Variants in GSTCD observed in about 807,000 individuals in gnomAD.
The protein encoded by GSTCD is glutathione S-transferase C-terminal domain-containing protein.
A neutral mutation model predicts 68.3 loss-of-function variants in GSTCD; 44 were observed. The observed-to-expected ratio is 0.64, with a 90% CI of 0.51 to 0.83. The LOEUF (loss-of-function observed/expected upper bound fraction) is 0.83, where lower values mean the gene tolerates loss of function less well. GSTCD is among the 40% of genes least tolerant of loss of function. The pLI is 0.00. For synonymous variants in GSTCD, 273 were observed against 255.2 expected (o/e 1.07, Z -0.67); for missense variants, 739 against 735.9 (o/e 1.00, Z -0.05).
At chr4:105,724,928 T>C (rs908709939) in intron 3 of GSTCD, among the ~76,000 whole-genome samples, 5 of 151,964 alleles carry the variant, frequency 3.3e-5, no homozygotes, top group Non-Finnish European at 7.4e-5. Context: ...TAAGAACTTA[T>C]CAAGTATATA....
chr4:105,714,328 T>C (rs890152474), intron 1 of GSTCD, among the ~76,000 whole-genome samples: 7 of 152,114 alleles, frequency 4.6e-5, no homozygotes, highest in Non-Finnish European at 8.8e-5. Context: ...AGGAATGTAA[T>C]ATGGAGTAAC....
chr4:105,750,491 A>ACACTGAAT (rs1262119560), intron 5 of GSTCD, among the ~76,000 whole-genome samples: 2 of 151,894 alleles, frequency 1.3e-5, no homozygotes, highest in African/African-American at 4.8e-5. Context: ...AAAAGTAACA[A>ACACTGAAT]CACTGAATGC....
At chr4:105,839,111 C>T (rs1374296813) in intron 10 of GSTCD, among the ~76,000 whole-genome samples, 3 of 152,136 alleles carry the variant, frequency 2.0e-5, no homozygotes, top group African/African-American at 4.8e-5. Flanking sequence ...CTACCAACCC[C>T]GCACCCTGTA....
intron 5 of GSTCD, among the ~76,000 whole-genome samples, chr4:105,749,640 G>A (rs1269682380): frequency 6.7e-6 from 1 of 149,072 alleles, no homozygotes; most frequent in Admixed American, 6.7e-5. Flanking sequence ...TACCTAAATT[G>A]CACACTTATA....
chr4:105,733,883 TG>T (rs1300263385), intron 5 of GSTCD, among the ~76,000 whole-genome samples: 3 of 152,156 alleles, frequency 2.0e-5, no homozygotes, highest in Non-Finnish European at 2.9e-5. Context: ...GCAGGCCTGG[TG>T]GTGACAAAAT....
rs183485903 is a variant in GSTCD, at chr4:105,833,420, G to C, written c.1531-1041G>C. Among the ~76,000 whole-genome samples, 765 of 151,666 alleles carry C rather than the reference G, an allele frequency of 5.0e-3. 5 individuals are homozygous for C. Among genetic ancestry groups the C allele is most frequent in the African/African-American group, 0.018 (735 of 41,268 alleles). On this transcript the variant is annotated intron_variant, in intron 8 of 11. Coordinates refer to ENST00000515279, the MANE Select transcript of GSTCD (RefSeq NM_001370181.1). Reference sequence around the variant, plus strand: ...GGAGGTTGCAGTGAGCCGAGGTTGTGCCATTGCACTCCAGCCTGGGCAACA... The same window carrying C: ...GGAGGTTGCAGTGAGCCGAGGTTGTCCCATTGCACTCCAGCCTGGGCAACA...
intron 5 of GSTCD, among the ~76,000 whole-genome samples, chr4:105,733,436 T>C (rs889992297): frequency 6.6e-6 from 1 of 152,230 alleles, no homozygotes; most frequent in African/African-American, 2.4e-5. Context: ...CATTTACCAT[T>C]ATGTAATGGC....
chr4:105,741,535 G>C (rs72671878), intron 5 of GSTCD, among the ~76,000 whole-genome samples: 8,156 of 152,224 alleles, frequency 0.054, 252 homozygotes, highest in Middle Eastern at 0.14. Context: ...AATGAAAACA[G>C]AGTTTTCTAA....
At chr4:105,755,538 C>T (rs1734157267) in intron 5 of GSTCD, among the ~76,000 whole-genome samples, 1 of 152,168 alleles carries the variant, frequency 6.6e-6, no homozygotes, top group Non-Finnish European at 1.5e-5. Flanking sequence ...TTTCCCCACA[C>T]ATAAGAAATT....
chr4:105,786,941 T>C (rs1356477179), intron 5 of GSTCD, among the ~76,000 whole-genome samples: 1 of 152,090 alleles, frequency 6.6e-6, no homozygotes, highest in Non-Finnish European at 1.5e-5. Flanking sequence ...GACAGTCCCT[T>C]AAAGCTTAAA....
chr4:105,808,515 A>G (rs1399616398), intron 5 of GSTCD, among the ~76,000 whole-genome samples: 2 of 152,092 alleles, frequency 1.3e-5, no homozygotes, highest in Non-Finnish European at 2.9e-5. Context: ...TAGACTTCCT[A>G]TTTAAGTCAA....
At chr4:105,794,845 A>T (rs900831535) in intron 5 of GSTCD, among the ~76,000 whole-genome samples, 1 of 88,586 alleles carries the variant, frequency 1.1e-5, no homozygotes, top group African/African-American at 6.3e-5. Context: ...CTATTTATCT[A>T]TCTATCTATC....
In GSTCD at chr4:105,717,577, T is replaced by A; in HGVS notation, c.-21-16T>A. On this transcript the variant is annotated splice_polypyrimidine_tract_variant and intron_variant, in intron 1 of 11. Coordinates refer to ENST00000515279, the MANE Select transcript of GSTCD (RefSeq NM_001370181.1). ...ATTATATTCTAAGACCATAATCACT[T>A]CAATTTATACTTTAGGTGACCCAAT... 1 of 1,407,066 alleles carries A rather than the reference T, an allele frequency of 7.1e-7. No individual in the cohort carries two copies. The highest frequency in any genetic ancestry group is 9.7e-7 in the Non-Finnish European group (1 of 1,034,288). 87.2% of individuals were successfully genotyped at this position (1,407,066 alleles called of 1,614,324 possible). A position where few individuals can be genotyped will look rare whatever the true frequency, so the allele number is the denominator to read the frequency against.
At position 105,760,185 on chromosome 4, in the gene GSTCD, AAG is replaced by A. The variant is rs537089327; in HGVS notation, c.1240+30692_1240+30693del. Among the ~76,000 whole-genome samples, 11 of 150,986 alleles carry A rather than the reference AAG, an allele frequency of 7.3e-5. No homozygotes were observed. In the South Asian group the frequency reaches 2.3e-3, roughly 31 times the overall value. ...AAATAGGCAAAAAAAAAAAAAAAAAAAGAGAGAATTCAAGTATAAAATACAGT... is the reference window on the plus strand; with the variant it reads ...AAATAGGCAAAAAAAAAAAAAAAAAAAGAGAATTCAAGTATAAAATACAGT... On this transcript the variant is annotated intron_variant, in intron 5 of 11. Transcript: ENST00000515279.
chr4:105,816,684 C>T (rs534610002), intron 5 of GSTCD, among the ~76,000 whole-genome samples: 1 of 152,098 alleles, frequency 6.6e-6, no homozygotes, highest in African/African-American at 2.4e-5. Context: ...TCCTTGAACG[C>T]ACGCATATGA....
intron 8 of GSTCD, among the ~76,000 whole-genome samples, chr4:105,832,095 C>T (rs1470912444): frequency 6.6e-6 from 1 of 152,122 alleles, no homozygotes; most frequent in Non-Finnish European, 1.5e-5. Context: ...ATCTCTAATG[C>T]ATTCAAAATT....
At chr4:105,743,943 G>A (rs751436050) in intron 5 of GSTCD, among the ~76,000 whole-genome samples, 47 of 152,200 alleles carry the variant, frequency 3.1e-4, no homozygotes, top group Admixed American at 2.8e-3. Context: ...ACAGGCGTGA[G>A]CCACCATGCC....
At chr4:105,802,307 T>C (rs1736134959) in intron 5 of GSTCD, among the ~76,000 whole-genome samples, 1 of 152,098 alleles carries the variant, frequency 6.6e-6, no homozygotes, top group Non-Finnish European at 1.5e-5. Context: ...CTCCATTATG[T>C]GGCATATAAT....
At chr4:105,843,206 A>C (rs1724425375) in intron 11 of GSTCD, among the ~76,000 whole-genome samples, 1 of 152,126 alleles carries the variant, frequency 6.6e-6, no homozygotes, top group African/African-American at 2.4e-5. Flanking sequence ...TCACACTTGG[A>C]GACCTGAGAC....
Sources: allele counts gnomAD v4.1 joint callset (sites outside exome capture counted in the v4.1 genomes callset), GRCh38; gene constraint gnomAD v4.1.1; transcripts MANE v1.5; gene names NCBI Gene and HGNC (gene_info 2026-07-23, HGNC 2026-07-21).